The following NETO1 variants were observed in gnomAD, a reference collection of about 807,000 sequenced individuals.
The protein encoded by NETO1 is neuropilin and tolloid-like protein 1.
In NETO1, 26 loss-of-function variants were observed where a neutral mutation model predicts 61.3. The ratio of observed to expected loss-of-function variants is 0.42; its 90% confidence interval spans 0.31 to 0.59. NETO1 has a LOEUF of 0.59. Ranked by LOEUF, NETO1 falls within the 20% of genes least tolerant of loss-of-function variation. The pLI is 0.12. For synonymous variants in NETO1, 225 were observed against 225.8 expected, an observed-to-expected ratio of 1.00 and a Z score of 0.03; for missense variants, 531 against 662.8, an observed-to-expected ratio of 0.80 and a Z score of 2.18.
At chr18:72,817,591 C>T (rs991146128) in intron 4 of NETO1, among the ~76,000 whole-genome samples, 5 of 152,194 alleles carry the variant, frequency 3.3e-5, no homozygotes, top group African/African-American at 1.2e-4. Context: ...AGACAGAAAC[C>T]GCCCTATAGG....
intron 4 of NETO1, among the ~76,000 whole-genome samples, chr18:72,801,096 C>T (rs2072490546): frequency 6.6e-6 from 1 of 152,194 alleles, no homozygotes; most frequent in Non-Finnish European, 1.5e-5. Flanking sequence ...TACTCGCAGG[C>T]TGGGTGCTTA....
At chr18:72,812,486 T>C (rs1443559846) in intron 4 of NETO1, among the ~76,000 whole-genome samples, 1 of 152,234 alleles carries the variant, frequency 6.6e-6, no homozygotes, top group East Asian at 1.9e-4. Flanking sequence ...TAGACTCTAG[T>C]GACTTTTTGG....
intron 7 of NETO1, among the ~76,000 whole-genome samples, chr18:72,769,518 C>T (rs753034819): frequency 2.0e-5 from 3 of 152,148 alleles, no homozygotes; most frequent in African/African-American, 7.2e-5. Flanking sequence ...AGACTTAATA[C>T]ATCTTTTCAG....
chr18:72,856,381 G>T (rs140944287), intron 4 of NETO1, among the ~76,000 whole-genome samples: 7 of 152,258 alleles, frequency 4.6e-5, no homozygotes, highest in Admixed American at 4.6e-4. Flanking sequence ...AAAATTTCAG[G>T]AACTGTTTTT....
chr18:72,812,997 C>G (rs910655713), intron 4 of NETO1, among the ~76,000 whole-genome samples: 5 of 152,148 alleles, frequency 3.3e-5, no homozygotes, highest in Non-Finnish European at 7.3e-5. Flanking sequence ...TTTAGGACCT[C>G]AGATGTCTAA....
At chr18:72,829,618 C>T (rs1431896277) in intron 4 of NETO1, among the ~76,000 whole-genome samples, 2 of 152,088 alleles carry the variant, frequency 1.3e-5, no homozygotes, top group Non-Finnish European at 2.9e-5. Flanking sequence ...TGGTTTACCC[C>T]AAATATATGC....
At chr18:72,858,427 C>T (rs879364134) in intron 4 of NETO1, among the ~76,000 whole-genome samples, 6 of 152,100 alleles carry the variant, frequency 3.9e-5, no homozygotes, top group African/African-American at 1.2e-4. Flanking sequence ...AACAAATAAA[C>T]TTTTGATTCA....
chr18:72,747,579 T>A lies in NETO1; in HGVS notation c.*600A>T, dbSNP rs1322494909. On this transcript the variant is annotated 3_prime_UTR_variant, in exon 11 of 11. Transcript: ENST00000327305. ...GGAAAGACCAAAAAATGAATTTTTT[T>A]ATTGCAATCTAGTAATTTTACTTGT... The A allele has an allele frequency of 6.6e-6, 1 of 152,118 alleles. No homozygotes were observed. 9.4% of individuals were successfully genotyped at this position (152,118 alleles called of 1,614,324 possible).
chr18:72,795,994 G>A (rs774151471), intron 4 of NETO1, among the ~76,000 whole-genome samples: 1 of 152,118 alleles, frequency 6.6e-6, no homozygotes, highest in African/African-American at 2.4e-5. Context: ...CTTGGCATAC[G>A]ATTTAAAAGA....
chr18:72,797,076 A>C (rs964985462), intron 4 of NETO1, among the ~76,000 whole-genome samples: 1 of 152,140 alleles, frequency 6.6e-6, no homozygotes, highest in Non-Finnish European at 1.5e-5. Flanking sequence ...CCTGTTATCT[A>C]GACTTTTTGT....
chr18:72,860,814 T>C (rs915353426), intron 3 of NETO1, among the ~76,000 whole-genome samples: 1 of 151,852 alleles, frequency 6.6e-6, no homozygotes, highest in African/African-American at 2.4e-5. Flanking sequence ...AGTGCCAGCC[T>C]TAAAACAAAA....
intron 4 of NETO1, among the ~76,000 whole-genome samples, chr18:72,796,083 G>A (rs1008561652): frequency 6.6e-6 from 1 of 152,180 alleles, no homozygotes; most frequent in African/African-American, 2.4e-5. Context: ...AATATTTTAT[G>A]AGACATTGCT....
intron 7 of NETO1, among the ~76,000 whole-genome samples, chr18:72,760,933 A>G (rs2070950138): frequency 6.6e-6 from 1 of 152,152 alleles, no homozygotes; most frequent in Admixed American, 6.5e-5. Flanking sequence ...ATTAAATGTG[A>G]TAGATCTTTA....
At chr18:72,850,077 A>C (rs1191897222) in intron 4 of NETO1, among the ~76,000 whole-genome samples, 1 of 152,178 alleles carries the variant, frequency 6.6e-6, no homozygotes, top group Non-Finnish European at 1.5e-5. Flanking sequence ...TTCCACCTTC[A>C]CATCTCTTTG....
intron 3 of NETO1, among the ~76,000 whole-genome samples, chr18:72,859,908 G>C (rs979997621): frequency 2.2e-5 from 3 of 138,848 alleles, no homozygotes; most frequent in Non-Finnish European, 4.6e-5. Flanking sequence ...GCTTAGCATA[G>C]TATTTGTCAT....
At chr18:72,742,594 A>G (rs1324667149), downstream of NETO1, 1 of 152,214 alleles carries the variant, frequency 6.6e-6, no homozygotes, top group Non-Finnish European at 1.5e-5. Flanking sequence ...GTTAATATGA[A>G]TAAGTATCAA....
chr18:72,771,547 TA>T (rs1287531000), intron 7 of NETO1, among the ~76,000 whole-genome samples: 4 of 152,018 alleles, frequency 2.6e-5, no homozygotes, highest in Admixed American at 2.6e-4. Flanking sequence ...AATGAAGGAA[TA>T]AAAGAATGAA....
chr18:72,781,916 G>A (rs935098634), intron 7 of NETO1, among the ~76,000 whole-genome samples: 13 of 152,122 alleles, frequency 8.5e-5, no homozygotes, highest in African/African-American at 2.9e-4. Context: ...TGTGTGTCAC[G>A]GGAGTTTGGT....
chr18:72,829,176 G>C (rs1311765645), intron 4 of NETO1, among the ~76,000 whole-genome samples: 3 of 152,102 alleles, frequency 2.0e-5, no homozygotes, highest in Non-Finnish European at 4.4e-5. Flanking sequence ...GATTGAAGAA[G>C]ACATTTTAAA....
Sources: allele counts gnomAD v4.1 joint callset (sites outside exome capture counted in the v4.1 genomes callset), GRCh38; gene constraint gnomAD v4.1.1; transcripts MANE v1.5; gene names NCBI Gene and HGNC (gene_info 2026-07-23, HGNC 2026-07-21).